Variants in WHAMM observed in about 807,000 individuals in gnomAD.
WHAMM encodes the protein WASP homolog-associated protein with actin, membranes and microtubules.
WHAMM carries 67 observed loss-of-function variants against 76.5 expected under a neutral mutation model. That is an observed-to-expected ratio of 0.88 (90% CI 0.72 to 1.07). The LOEUF is 1.07. Ranked by LOEUF, WHAMM falls within the 50% of genes least tolerant of loss-of-function variation. The pLI, the probability that WHAMM is intolerant of heterozygous loss-of-function variation, is 0.00. For synonymous variants in WHAMM, 419 were observed against 422.1 expected, an observed-to-expected ratio of 0.99 and a Z score of 0.09; for missense variants, 1,021 against 1,051.1, an observed-to-expected ratio of 0.97 and a Z score of 0.40.
chr15:82,811,779 G>T (rs1276356722), intron 1 of WHAMM, among the ~76,000 whole-genome samples: 3 of 151,966 alleles, frequency 2.0e-5, no homozygotes, highest in African/African-American at 7.3e-5. Flanking sequence ...AAGAAATAAG[G>T]CTGAAATGTA....
intron 5 of WHAMM, 44 bp from the exon 6 acceptor site, chr15:82,823,056 A>T: frequency 1.6e-6 from 2 of 1,267,342 alleles, no homozygotes; most frequent in Non-Finnish European, 1.0e-6. Context: ...TGCATTTTTT[A>T]AAATAATAAA....
chr15:82,833,313 A>C lies in WHAMM; in HGVS notation c.2207A>C (p.His736Pro), dbSNP rs11259953. 176,044 of 1,613,612 alleles carry C rather than the reference A, an allele frequency of 0.11. 10,316 individuals are homozygous for C. Among genetic ancestry groups the C allele is most frequent in the East Asian group, 0.2 (8,897 of 44,846 alleles). The change falls in exon 10 of 10, where the codon CAC becomes CCC. Residue 736 changes from histidine (H) to proline (P), a missense_variant. This residue lies in a region of WHAMM where 509 missense variants were observed against 492.3 expected (regional missense o/e 1.03). Transcript: ENST00000286760. The part of the protein sequence containing the change: ...KVEVPAVRPP[H>P]ASINEHILAA... Reference sequence around the variant, plus strand: ...GAAGTGCCGGCGGTGCGCCCTCCCCACGCCTCAATCAATGAGCACATTCTG... The same window carrying C: ...GAAGTGCCGGCGGTGCGCCCTCCCCCCGCCTCAATCAATGAGCACATTCTG...
chr15:82,811,453 ATGTATTTTAC>A (rs1443737658), intron 1 of WHAMM, among the ~76,000 whole-genome samples: 1 of 152,220 alleles, frequency 6.6e-6, no homozygotes, highest in Non-Finnish European at 1.5e-5. Context: ...CATGTTTATG[ATGTATTTTAC>A]TGTAGTAAAT....
chr15:82,810,542 A>G (rs548997498), intron 1 of WHAMM: 15 of 985,356 alleles, frequency 1.5e-5, no homozygotes, highest in Non-Finnish European at 1.7e-5. Flanking sequence ...CAGAGAGGAC[A>G]AGCGAAGTTA....
intron 8 of WHAMM, among the ~76,000 whole-genome samples, chr15:82,829,666 G>C (rs771088881): frequency 8.2e-4 from 125 of 152,036 alleles, no homozygotes; most frequent in Non-Finnish European, 1.8e-4. Context: ...TGGGGTGTGT[G>C]TGTGTGTGTC....
chr15:82,823,041 T>A (rs2050861885), intron 5 of WHAMM, 59 bp from the exon 6 acceptor site: 2 of 1,252,726 alleles, frequency 1.6e-6, no homozygotes, highest in East Asian at 3.0e-5. Context: ...TTTAAAAAAA[T>A]TCAATGCATT....
chr15:82,813,261 T>G lies in WHAMM; in HGVS notation c.768T>G (p.Cys256Trp), dbSNP rs1335078629. The change falls in exon 2 of 10, where the codon TGT (cysteine) becomes TGG (tryptophan). Residue 256 changes from cysteine (C) to tryptophan (W), a missense_variant. Physicochemically the swap from Cys to Trp is radical, Grantham distance 215 (BLOSUM62 -2). This residue lies in a region of WHAMM where 501 missense variants were observed against 524.9 expected (regional missense o/e 0.95). Transcript: ENST00000286760. Reference sequence around the variant, plus strand: ...CTATGCGAGAAGTTGCAACTTTATGTAAGCTTGATATTTTGGTATGTTTTT... The same window carrying G: ...CTATGCGAGAAGTTGCAACTTTATGGAAGCTTGATATTTTGGTATGTTTTT... The part of the protein sequence containing the change: ...FRAMREVATL[C>W]KLDILKSLDE... 6.4e-7 allele frequency: 1 copy of G among 1,561,808 alleles called. No homozygotes were observed. Among genetic ancestry groups the G allele is most frequent in the Non-Finnish European group, 8.6e-7 (1 of 1,158,134 alleles).
rs547891511 is a variant in WHAMM, at chr15:82,822,638, G to A, written c.1271-462G>A. 1.1e-3 allele frequency among the ~76,000 whole-genome samples: 160 copies of A among 152,180 alleles called. 2 individuals are homozygous for A. The highest frequency in any genetic ancestry group is 1.2e-3 in the Non-Finnish European group (85 of 68,012). ...TTTTTAGTAGAGACGGGGTTTTGCC[G>A]TGTTGGCCAGGCTGGTCTTGAACTC... On this transcript the variant is annotated intron_variant, in intron 5 of 9. Coordinates refer to ENST00000286760, the MANE Select transcript of WHAMM (RefSeq NM_001080435.3).
rs1036325695 is a variant in WHAMM at position 82,810,048 on chromosome 15, C to T, written c.322C>T (p.Leu108=). Reference sequence around the variant, plus strand: ...GCCTCTGGAGCGCTGCTTCCCGCGGCTGCCGCCGGAGCTGGACGTGGGCGG... The same window carrying T: ...GCCTCTGGAGCGCTGCTTCCCGCGGTTGCCGCCGGAGCTGGACGTGGGCGG... ...WPPLERCFPR[L]PPELDVGGGG... Residue 108 remains leucine (L), a synonymous_variant, in exon 1 of 10, where the codon CTG becomes TTG. Transcript: ENST00000286760. The T allele has an allele frequency of 1.3e-5, 16 of 1,218,496 alleles. No homozygotes were observed. In the African/African-American group the frequency reaches 1.9e-4, roughly 15 times the overall value. The allele number at this position is 1,218,496 out of a possible 1,614,324, so 75.5% of individuals were successfully genotyped here.
chr15:82,822,318 A>G (rs2050841570), intron 5 of WHAMM, among the ~76,000 whole-genome samples: 1 of 152,262 alleles, frequency 6.6e-6, no homozygotes, highest in Admixed American at 6.5e-5. Context: ...GTGTACACAA[A>G]GATTTATACA....
Position 82,809,831 on chromosome 15 carries a change from C to G in WHAMM, c.105C>G (p.Asn35Lys). The G allele has an allele frequency of 6.2e-7, 1 of 1,604,882 alleles. No individual in the cohort carries two copies. The highest frequency in any genetic ancestry group is 8.5e-7 in the Non-Finnish European group (1 of 1,176,680). The change falls in exon 1 of 10, where the codon AAC becomes AAG. Residue 35 changes from asparagine (N) to lysine (K), a missense_variant. Around this residue, in one of 3 missense-constraint regions of WHAMM, gnomAD observed 501 missense variants for 524.9 expected, o/e 0.95. Coordinates refer to ENST00000286760, the MANE Select transcript of WHAMM (RefSeq NM_001080435.3). ...GGCTGCGCTTCCTGGTGGCCTGGAA[C>G]GGCGCGGAGGGCAAGTTCGCTGTGA... The part of the protein sequence containing the change: ...RHRLRFLVAW[N>K]GAEGKFAVTC...
At position 82,809,649 on chromosome 15, in the gene WHAMM, C is replaced by G. The variant is rs1596274071; in HGVS notation, c.-78C>G. The G allele has an allele frequency of 1.7e-6, 2 of 1,211,604 alleles. No individual in the cohort carries two copies. Among genetic ancestry groups the G allele is most frequent in the East Asian group, 3.1e-5 (1 of 32,190 alleles). The allele number at this position is 1,211,604 out of a possible 1,614,324, so 75.1% of individuals were successfully genotyped here. A position where few individuals can be genotyped will look rare whatever the true frequency, so the allele number is the denominator to read the frequency against. ...GATTCTAGCGAAAAATGATTTGGCT[C>G]GGACTGTCCCGTGACAGGCGGTGCG... is the stretch of plus-strand genomic sequence containing the variant. On this transcript the variant is annotated 5_prime_UTR_variant, in exon 1 of 10. Coordinates refer to ENST00000286760, the MANE Select transcript of WHAMM (RefSeq NM_001080435.3).
chr15:82,828,896 C>G (rs545754217), intron 8 of WHAMM, among the ~76,000 whole-genome samples: 1 of 152,062 alleles, frequency 6.6e-6, no homozygotes, highest in African/African-American at 2.4e-5. Context: ...GTTTAATGAG[C>G]CACCTGTGTG....
chr15:82,819,878 C>T (rs1381968086), intron 5 of WHAMM, among the ~76,000 whole-genome samples: 3 of 152,070 alleles, frequency 2.0e-5, no homozygotes, highest in Non-Finnish European at 2.9e-5. Flanking sequence ...AACACAAAGT[C>T]CAGTGTGGTG....
chr15:82,830,521 T>C (rs992099500), intron 8 of WHAMM, 78 bp from the exon 9 acceptor site: 1 of 1,546,242 alleles, frequency 6.5e-7, no homozygotes. Flanking sequence ...CGGATGTGTT[T>C]ATAGATTTCT....
In WHAMM at chr15:82,833,738, G is replaced by A; in HGVS notation, c.*202G>A. ...GGAGTCTCACTCTGTCGCCCAGGCT[G>A]GGGTGCAGTGGCGCCATCTCGGCTC... On this transcript the variant is annotated 3_prime_UTR_variant, in exon 10 of 10. Transcript: ENST00000286760. 1 of 589,710 alleles carries A rather than the reference G, an allele frequency of 1.7e-6. No individual in the cohort carries two copies. The highest frequency in any genetic ancestry group is 2.2e-5 in the South Asian group (1 of 45,372). The allele number at this position is 589,710 out of a possible 1,614,324, so 36.5% of individuals were successfully genotyped here. A position where few individuals can be genotyped will look rare whatever the true frequency, so the allele number is the denominator to read the frequency against.
intron 8 of WHAMM, among the ~76,000 whole-genome samples, chr15:82,830,394 T>C (rs533547471): frequency 5.3e-4 from 80 of 152,334 alleles, no homozygotes; most frequent in African/African-American, 1.8e-3. Context: ...AGGTAATACT[T>C]GATCAAAGGA....
rs114783122 is a variant in WHAMM at position 82,833,522 on chromosome 15, C to T, written c.2416C>T (p.Gln806Ter). The T allele has an allele frequency of 1.9e-6, 3 of 1,613,390 alleles. No individual in the cohort carries two copies. The highest frequency in any genetic ancestry group is 1.3e-5 in the African/African-American group (1 of 75,014). ...GGACAGTGATGAGCAGGACCCTGGC[C>T]AGTGGGATGGTTAGGCTCAAGTTTG... ...EEDSDEQDPG[Q>*]WDG Residue 806 changes from glutamine (Q) to a stop codon, truncating the protein, a stop_gained, in exon 10 of 10, where the codon CAG (glutamine) becomes TAG (stop). Transcript: ENST00000286760. LOFTEE classifies it high-confidence loss of function.
rs1201714466 is a variant in WHAMM, at chr15:82,830,899, C to CCACCGCCGG, written c.1950_1951insGCACCGCCG (p.Pro650_Pro651insAlaProPro). The CCACCGCCGG allele has an allele frequency of 6.3e-7, 1 of 1,579,446 alleles. No individual in the cohort carries two copies. The highest frequency in any genetic ancestry group is 1.8e-5 in the Admixed American group (1 of 54,674). On this transcript the variant is annotated inframe_insertion, in exon 9 of 10. Coordinates refer to ENST00000286760, the MANE Select transcript of WHAMM (RefSeq NM_001080435.3). ...ACCACCTCCTCCTCCTCCACCACCA[C>CCACCGCCGG]CACCGCCGCCACCGCCGCCCCCACC...
Sources: gnomAD v4.1 joint callset for allele counts (sites outside exome capture counted in the v4.1 genomes callset) on GRCh38, gnomAD v4.1.1 for gene constraint, gnomAD v4.1.1 regional missense constraint, MANE v1.5 for transcripts, NCBI Gene and HGNC (gene_info 2026-07-23, HGNC 2026-07-21) for gene names.